DCAF8L2: variants seen among roughly 807,000 people sequenced by gnomAD.
The protein encoded by DCAF8L2 is DDB1 and CUL4 associated factor 8 like 2, also known as DDB1- and CUL4-associated factor 8-like protein 2.
For missense variants in DCAF8L2, 430 were observed against 490.7 expected (o/e 0.88, Z 1.17); for synonymous variants, 200 against 190.9 (o/e 1.05, Z -0.39).
intron 3 of DCAF8L2, among the ~76,000 whole-genome samples, chrX:27,680,594 A>T (rs770604927): frequency 9.2e-6 from 1 of 108,669 alleles, no homozygotes; most frequent in East Asian, 2.9e-4. Context: ...CCCTTTCTCT[A>T]TTTTTTTTTG....
the DCAF8L2 span, among the ~76,000 whole-genome samples, chrX:27,530,530 A>G: frequency 9.0e-6 from 1 of 111,216 alleles, no homozygotes; most frequent in African/African-American, 3.3e-5. Context: ...CATCTGGTGT[A>G]GTGGAGATTA....
chrX:27,745,055 G>A (rs1434366202), intron 4 of DCAF8L2, among the ~76,000 whole-genome samples: 1 of 111,747 alleles, frequency 8.9e-6, no homozygotes, highest in Non-Finnish European at 1.9e-5. Flanking sequence ...GATGCTCTAG[G>A]TTTCCTGTTT....
At chrX:27,742,596 CAAA>C (rs761506755) in intron 4 of DCAF8L2, among the ~76,000 whole-genome samples, 341 of 93,302 alleles carry the variant, frequency 3.7e-3, no homozygotes, top group African/African-American at 0.012. Flanking sequence ...CAAAAACAAA[CAAA>C]AAAAAAAAAC....
At chrX:27,490,774 T>C in the DCAF8L2 span, among the ~76,000 whole-genome samples, 1 of 111,542 alleles carries the variant, frequency 9.0e-6, no homozygotes, top group South Asian at 3.8e-4. Context: ...TTTTAGTTTT[T>C]AGTGTAGCCA....
chrX:27,505,561 A>T, the DCAF8L2 span, among the ~76,000 whole-genome samples: 1 of 111,839 alleles, frequency 8.9e-6, no homozygotes, highest in East Asian at 2.8e-4. Context: ...TCATTTGATC[A>T]CACAATAGTA....
At chrX:27,622,318 G>C (rs1927811531) in intron 1 of DCAF8L2, among the ~76,000 whole-genome samples, 1 of 103,123 alleles carries the variant, frequency 9.7e-6, no homozygotes, top group Admixed American at 1.0e-4. Context: ...CTAGCTACTA[G>C]GGAGGCTGAG....
intron 2 of DCAF8L2, among the ~76,000 whole-genome samples, chrX:27,667,629 G>A (rs1929787885): frequency 1.8e-5 from 2 of 111,554 alleles, no homozygotes; most frequent in African/African-American, 3.3e-5. Flanking sequence ...CAAATATGTT[G>A]TTAGTAAGCA....
At chrX:27,514,923 T>C in the DCAF8L2 span, among the ~76,000 whole-genome samples, 1 of 110,762 alleles carries the variant, frequency 9.0e-6, no homozygotes, top group African/African-American at 3.3e-5. Flanking sequence ...GGTTGGTCAG[T>C]GGGTACAACG....
chrX:27,732,867 A>C (rs1187465811), intron 4 of DCAF8L2, among the ~76,000 whole-genome samples: 1 of 110,631 alleles, frequency 9.0e-6, no homozygotes, highest in African/African-American at 3.3e-5. Flanking sequence ...TTTTTAAAAA[A>C]AATTTTTTTG....
the DCAF8L2 span, among the ~76,000 whole-genome samples, chrX:27,477,229 A>C: frequency 3.6e-5 from 4 of 112,493 alleles, no homozygotes; most frequent in Non-Finnish European, 7.5e-5. Flanking sequence ...TCTGAACAAG[A>C]ATGATTCTAG....
At chrX:27,712,164 G>A (rs1282126886) in intron 3 of DCAF8L2, among the ~76,000 whole-genome samples, 1 of 110,783 alleles carries the variant, frequency 9.0e-6, no homozygotes, top group Non-Finnish European at 1.9e-5. Context: ...ATTTTATTTT[G>A]GAGTATTTAA....
At chrX:27,622,530 T>G (rs1927826111) in intron 1 of DCAF8L2, among the ~76,000 whole-genome samples, 1 of 111,355 alleles carries the variant, frequency 9.0e-6, no homozygotes, top group African/African-American at 3.3e-5. Context: ...AAAAGTAAAA[T>G]TGATAAATAA....
intron 3 of DCAF8L2, among the ~76,000 whole-genome samples, chrX:27,710,489 C>G (rs1054464204): frequency 9.0e-6 from 1 of 111,011 alleles, no homozygotes; most frequent in Non-Finnish European, 1.9e-5. Flanking sequence ...AGTCTCAATT[C>G]TTCTGTCTTT....
intron 1 of DCAF8L2, among the ~76,000 whole-genome samples, chrX:27,590,991 T>TTGTATATATATATATATA (rs761150025): frequency 1.5e-5 from 1 of 68,055 alleles, no homozygotes; most frequent in Non-Finnish European, 3.0e-5. Context: ...CCTTTACATT[T>TTGTATATATATATATATA]TATATATATA....
At chrX:27,696,284 A>G (rs374062077) in intron 3 of DCAF8L2, among the ~76,000 whole-genome samples, 2 of 52,689 alleles carry the variant, frequency 3.8e-5, no homozygotes, top group Non-Finnish European at 7.0e-5. Context: ...GAAAGAAAGA[A>G]AGAAAGAAAG....
intron 4 of DCAF8L2, among the ~76,000 whole-genome samples, chrX:27,740,913 C>T (rs968134024): frequency 9.0e-6 from 1 of 111,663 alleles, no homozygotes; most frequent in Non-Finnish European, 1.9e-5. Flanking sequence ...TCTCTTTCAT[C>T]CACTATACTA....
the DCAF8L2 span, among the ~76,000 whole-genome samples, chrX:27,524,370 G>A: frequency 1.6e-4 from 18 of 111,803 alleles, no homozygotes; most frequent in Non-Finnish European, 2.8e-4. Flanking sequence ...GGGATCAGTG[G>A]TGATATCCCC....
intron 3 of DCAF8L2, among the ~76,000 whole-genome samples, chrX:27,695,200 A>G (rs1380584952): frequency 1.8e-5 from 2 of 111,893 alleles, no homozygotes; most frequent in African/African-American, 6.5e-5. Context: ...TACTTCATAA[A>G]GTATAAGATT....
At chrX:27,585,233 G>A in the DCAF8L2 span, among the ~76,000 whole-genome samples, 1 of 110,907 alleles carries the variant, frequency 9.0e-6, no homozygotes, top group African/African-American at 3.3e-5. Flanking sequence ...ATTTCATGGA[G>A]TTTTATGGCT....
Sources: gnomAD v4.1 joint callset for allele counts (sites outside exome capture counted in the v4.1 genomes callset) on GRCh38, gnomAD v4.1.1 for gene constraint, MANE v1.5 for transcripts, NCBI Gene and HGNC (gene_info 2026-07-23, HGNC 2026-07-21) for gene names.